Variants in VAV2 observed in about 807,000 individuals in gnomAD.
VAV2 encodes the protein vav guanine nucleotide exchange factor 2.
In VAV2, 67 loss-of-function variants were observed where a neutral mutation model predicts 132.5. The ratio of observed to expected loss-of-function variants is 0.51; its 90% confidence interval spans 0.42 to 0.62. The LOEUF (loss-of-function observed/expected upper bound fraction) is 0.62. VAV2 is among the 20% of genes least tolerant of loss of function. The probability of loss-of-function intolerance (pLI) is 0.00; values close to 1 mark genes in which losing one functional copy is unlikely to be tolerated. For missense variants in VAV2, 938 were observed against 1,153.6 expected, an observed-to-expected ratio of 0.81 and a Z score of 2.71; for synonymous variants, 492 against 443.5, an observed-to-expected ratio of 1.11 and a Z score of -1.37.
chr9:133,795,763 G>A lies in VAV2; in HGVS notation c.1033-27C>T, dbSNP rs1338937525. 7.5e-6 allele frequency: 12 copies of A among 1,609,848 alleles called. No homozygotes were observed. The Admixed American group carries it at 1.5e-4, about 20-fold the overall frequency. ...TGGAAGGGTGAGAAGAGTGTCATGT[G>A]TTACCACTCGGGGGTTCTGGCCTCT... On this transcript the variant is annotated intron_variant, in intron 11 of 29. Transcript: ENST00000371850.
At chr9:133,803,744 C>T (rs528989492) in intron 9 of VAV2, among the ~76,000 whole-genome samples, 2 of 152,330 alleles carry the variant, frequency 1.3e-5, no homozygotes, top group East Asian at 3.9e-4. Context: ...CTGCCAGGAC[C>T]CTGTCACAAA....
intron 2 of VAV2, among the ~76,000 whole-genome samples, chr9:133,916,274 TAAG>T (rs1840086856): frequency 6.6e-6 from 1 of 152,196 alleles, no homozygotes. Flanking sequence ...TCCCACTCGA[TAAG>T]AAGGAAGAAA....
rs140649312 is a variant in VAV2, at chr9:133,768,481, G to A, written c.2550C>T (p.Gly850=). The part of the protein sequence containing the change: ...GDVVRIYSRI[G]GDQGWWKGET... ...CGCCCTTCCACCAGCCCTGGTCTCCGCCGATGCGGCTGTAGATCCTCACCA... is the reference window on the plus strand; with the variant it reads ...CGCCCTTCCACCAGCCCTGGTCTCCACCGATGCGGCTGTAGATCCTCACCA... The change falls in exon 29 of 30, where the codon GGC becomes GGT. Residue 850 remains glycine (G), a synonymous_variant. Coordinates refer to ENST00000371850, the MANE Select transcript of VAV2 (RefSeq NM_001134398.2). This position sits in a 1 kb window ranked among gnomAD's most constrained non-coding sequence, Gnocchi z 5.3. The A allele has an allele frequency of 1.5e-5, 25 of 1,613,694 alleles. No homozygotes were observed. The highest frequency in any genetic ancestry group is 1.2e-4 in the South Asian group (11 of 91,082).
chr9:133,790,339 G>A (rs553346714), intron 13 of VAV2, among the ~76,000 whole-genome samples: 2 of 152,236 alleles, frequency 1.3e-5, no homozygotes, highest in South Asian at 4.1e-4. Context: ...AGCACGCCTG[G>A]CTAATTTTTG....
chr9:133,896,540 CAG>C (rs2131994745), intron 2 of VAV2, among the ~76,000 whole-genome samples: 1 of 152,322 alleles, frequency 6.6e-6, no homozygotes, highest in South Asian at 2.1e-4. Context: ...GCCACTCTCG[CAG>C]CGTCAGATCT....
At chr9:133,932,284 C>A (rs1012352203) in intron 2 of VAV2, among the ~76,000 whole-genome samples, 2 of 152,200 alleles carry the variant, frequency 1.3e-5, no homozygotes, top group African/African-American at 4.8e-5. Flanking sequence ...ATCTACAGGC[C>A]GTGGCGGGGA....
intron 2 of VAV2, among the ~76,000 whole-genome samples, chr9:133,878,833 A>G (rs543889381): frequency 1.3e-5 from 2 of 152,202 alleles, no homozygotes; most frequent in Non-Finnish European, 2.9e-5. Flanking sequence ...CAGGGACAGC[A>G]GCTGAGCACT....
At chr9:133,820,914 C>T (rs999601348) in intron 4 of VAV2, among the ~76,000 whole-genome samples, 1 of 151,598 alleles carries the variant, frequency 6.6e-6, no homozygotes. Context: ...TTGACGAGAA[C>T]TCAGCGAAGA....
In VAV2 at chr9:133,770,437, A is replaced by G. The variant is rs1295409239; in HGVS notation, c.2288T>C (p.Leu763Pro). The G allele has an allele frequency of 1.9e-6, 3 of 1,614,082 alleles. No individual in the cohort carries two copies. Among genetic ancestry groups the G allele is most frequent in the Non-Finnish European group, 2.5e-6 (3 of 1,179,982 alleles). Reference sequence around the variant, plus strand: ...TTCCCGGGACTTGTAGGGGTACTTGAGTGTGGTGTCCAGCTGCTTGAAGCT... The same window carrying G: ...TTCCCGGGACTTGTAGGGGTACTTGGGTGTGGTGTCCAGCTGCTTGAAGCT... The part of the protein sequence containing the change: ...KESFKQLDTT[L>P]KYPYKSRERS... The change falls in exon 27 of 30, where the codon CTC becomes CCC. Residue 763 changes from leucine to proline, a missense_variant. Leu to Pro is a moderately conservative substitution (Grantham distance 98, BLOSUM62 -3). Transcript: ENST00000371850.
chr9:133,778,226 G>C (rs1420852319), intron 22 of VAV2, among the ~76,000 whole-genome samples: 2 of 151,924 alleles, frequency 1.3e-5, no homozygotes, highest in Non-Finnish European at 1.5e-5. Flanking sequence ...CCCACTCTGT[G>C]GGCCTTGGAA....
Position 133,783,554 on chromosome 9 carries a change from C to A in VAV2, c.1672G>T (p.Gly558Cys), listed in dbSNP as rs1167345356. ...AGGCACTCCTTGTGTGCCCCGACGCCACACTTGGTACACATGTATCCCTGG... is the reference window on the plus strand; with the variant it reads ...AGGCACTCCTTGTGTGCCCCGACGCAACACTTGGTACACATGTATCCCTGG... ...FYQGYMCTKC[G>C]VGAHKECLEV... The change falls in exon 19 of 30, where the codon GGC (glycine) becomes TGC (cysteine). Residue 558 changes from glycine to cysteine, a missense_variant. Coordinates refer to ENST00000371850, the MANE Select transcript of VAV2 (RefSeq NM_001134398.2). 1 of 1,613,892 alleles carries A rather than the reference C, an allele frequency of 6.2e-7. No homozygotes were observed. Among genetic ancestry groups the A allele is most frequent in the Non-Finnish European group, 8.5e-7 (1 of 1,179,968 alleles).
intron 2 of VAV2, among the ~76,000 whole-genome samples, chr9:133,922,608 G>A (rs1383510518): frequency 2.0e-5 from 3 of 152,200 alleles, no homozygotes; most frequent in East Asian, 1.9e-4. Context: ...AAGAATCATC[G>A]TTCCAACACA....
At chr9:133,786,879 T>A (rs943769021) in intron 16 of VAV2, among the ~76,000 whole-genome samples, 2 of 150,162 alleles carry the variant, frequency 1.3e-5, no homozygotes, top group African/African-American at 4.9e-5. Flanking sequence ...GGAGCGGGGA[T>A]GGGAGGAGGA....
chr9:133,868,579 G>A (rs1837900858), intron 2 of VAV2, among the ~76,000 whole-genome samples: 1 of 152,240 alleles, frequency 6.6e-6, no homozygotes, highest in Admixed American at 6.5e-5. Flanking sequence ...AGGGACTCAT[G>A]GCTGCACTCC....
intron 2 of VAV2, among the ~76,000 whole-genome samples, chr9:133,901,797 C>A (rs1375753015): frequency 1.3e-5 from 2 of 152,242 alleles, no homozygotes; most frequent in African/African-American, 4.8e-5. Flanking sequence ...GACTCTGGAA[C>A]CCCAGCGCCC....
rs372195256 is a variant in VAV2 at position 133,898,024 on chromosome 9, C to T, written c.322-36592G>A. On this transcript the variant is annotated intron_variant, in intron 2 of 29. Transcript: ENST00000371850. ...CAGCAGGGCTTAGGGACACTCTGCC[C>T]AGACAGACCACGCAAAGCCTCCTAC... Among the ~76,000 whole-genome samples the T allele has an allele frequency of 1.5e-3, 229 of 152,238 alleles. 1 individual carries two copies. The highest frequency in any genetic ancestry group is 5.3e-3 in the African/African-American group (218 of 41,500).
chr9:133,858,705 C>T (rs1837481297), intron 3 of VAV2, among the ~76,000 whole-genome samples: 1 of 152,174 alleles, frequency 6.6e-6, no homozygotes, highest in Non-Finnish European at 1.5e-5. Flanking sequence ...AGTGTTTATC[C>T]TCATCTTGCA....
At chr9:133,978,380 C>T (rs1330432485) in intron 1 of VAV2, among the ~76,000 whole-genome samples, 4 of 152,194 alleles carry the variant, frequency 2.6e-5, no homozygotes, top group African/African-American at 9.7e-5. Context: ...CCTCCCCACC[C>T]CTATGCAGAT....
intron 1 of VAV2, among the ~76,000 whole-genome samples, chr9:133,977,183 G>A (rs1389452667): frequency 6.6e-6 from 1 of 152,182 alleles, no homozygotes; most frequent in East Asian, 1.9e-4. Flanking sequence ...GGCAGAGTGA[G>A]GCCCCCCCAG....
Sources: gnomAD v4.1 joint callset for allele counts (sites outside exome capture counted in the v4.1 genomes callset) on GRCh38, gnomAD v4.1.1 for gene constraint, Gnocchi (gnomAD v3.1) non-coding constraint, MANE v1.5 for transcripts, NCBI Gene and HGNC (gene_info 2026-07-23, HGNC 2026-07-21) for gene names.